Variants in KLHL14 observed in about 807,000 individuals in gnomAD.
The protein encoded by KLHL14 is kelch-like protein 14.
In KLHL14, 22 loss-of-function variants were observed where a neutral mutation model predicts 64.3. The observed-to-expected ratio is 0.34, with a 90% CI of 0.24 to 0.49. KLHL14 has a LOEUF of 0.49. Among genes scored for constraint, KLHL14 ranks in the 20% least tolerant of loss-of-function variants. The pLI, the probability that KLHL14 is intolerant of heterozygous loss-of-function variation, is 0.99. For missense variants in KLHL14, 661 were observed against 789.0 expected, an observed-to-expected ratio of 0.84 and a Z score of 1.94; for synonymous variants, 322 against 333.4, an observed-to-expected ratio of 0.97 and a Z score of 0.37.
chr18:32,701,742 G>C (rs1485777422), intron 3 of KLHL14, among the ~76,000 whole-genome samples: 2 of 152,188 alleles, frequency 1.3e-5, no homozygotes, highest in African/African-American at 4.8e-5. Context: ...CTAGATGAAA[G>C]AAGATAGCAG....
At chr18:32,762,288 G>C (rs936329328) in intron 2 of KLHL14, among the ~76,000 whole-genome samples, 2 of 151,450 alleles carry the variant, frequency 1.3e-5, no homozygotes, top group African/African-American at 4.9e-5. Context: ...TATAAGGTTG[G>C]GTATGCCATG....
intron 3 of KLHL14, among the ~76,000 whole-genome samples, chr18:32,698,111 G>T (rs1243142660): frequency 6.6e-6 from 1 of 152,078 alleles, no homozygotes; most frequent in Admixed American, 6.6e-5. Context: ...TAATTTCTTT[G>T]ACTTCTGATT....
At chr18:32,710,622 A>G (rs936805696) in intron 3 of KLHL14, among the ~76,000 whole-genome samples, 3 of 152,224 alleles carry the variant, frequency 2.0e-5, no homozygotes, top group Non-Finnish European at 4.4e-5. Flanking sequence ...ATACACATGT[A>G]AATGTAACAT....
intron 8 of KLHL14, among the ~76,000 whole-genome samples, chr18:32,675,100 A>G (rs994466847): frequency 6.6e-6 from 1 of 152,172 alleles, no homozygotes; most frequent in African/African-American, 2.4e-5. Flanking sequence ...CATACCTGTA[A>G]TCACAGAGCT....
At chr18:32,701,473 GTT>G (rs1464340040) in intron 3 of KLHL14, among the ~76,000 whole-genome samples, 1 of 152,206 alleles carries the variant, frequency 6.6e-6, no homozygotes, top group African/African-American at 2.4e-5. Context: ...AAGCCTGTGT[GTT>G]GTGAGCACCT....
intron 5 of KLHL14, among the ~76,000 whole-genome samples, chr18:32,686,308 C>T (rs927644092): frequency 3.3e-5 from 5 of 150,718 alleles, no homozygotes; most frequent in Non-Finnish European, 7.4e-5. Flanking sequence ...GCTGAAGAGG[C>T]AATAGTTTGC....
At chr18:32,690,527 G>A (rs974291363) in intron 4 of KLHL14, among the ~76,000 whole-genome samples, 2 of 152,030 alleles carry the variant, frequency 1.3e-5, no homozygotes, top group African/African-American at 2.4e-5. Flanking sequence ...TCAGGAGTTC[G>A]AGACCAGCCT....
intron 3 of KLHL14, among the ~76,000 whole-genome samples, chr18:32,734,852 A>G (rs555225945): frequency 7.4e-4 from 113 of 152,072 alleles, no homozygotes; most frequent in Non-Finnish European, 1.4e-3. Context: ...GTGTATTTCA[A>G]TTCAGGTCTA....
intron 3 of KLHL14, among the ~76,000 whole-genome samples, chr18:32,713,113 C>T: frequency 6.6e-6 from 1 of 152,178 alleles, no homozygotes; most frequent in Non-Finnish European, 1.5e-5. Context: ...GTTTATGCTG[C>T]TTTTGTGCCA....
intron 2 of KLHL14, among the ~76,000 whole-genome samples, chr18:32,754,501 G>C (rs2050271862): frequency 6.6e-6 from 1 of 152,204 alleles, no homozygotes; most frequent in African/African-American, 2.4e-5. Flanking sequence ...GAGAGAGTGA[G>C]ACATAATGGT....
At chr18:32,709,184 C>G (rs2050005721) in intron 3 of KLHL14, among the ~76,000 whole-genome samples, 1 of 152,194 alleles carries the variant, frequency 6.6e-6, no homozygotes, top group Non-Finnish European at 1.5e-5. Flanking sequence ...CACACTCTGC[C>G]TCACTTACGG....
At chr18:32,742,368 TG>T (rs1445197037) in intron 2 of KLHL14, among the ~76,000 whole-genome samples, 2 of 152,210 alleles carry the variant, frequency 1.3e-5, no homozygotes, top group East Asian at 3.8e-4. Flanking sequence ...TGAAATGCTC[TG>T]GAGTTGTACT....
chr18:32,685,770 G>A (rs536941651), intron 5 of KLHL14, among the ~76,000 whole-genome samples: 3 of 152,128 alleles, frequency 2.0e-5, no homozygotes, highest in East Asian at 3.9e-4. Context: ...AGTATATAGA[G>A]TAGAAAGTTA....
chr18:32,723,295 A>G (rs1411485514), intron 3 of KLHL14, among the ~76,000 whole-genome samples: 2 of 152,198 alleles, frequency 1.3e-5, no homozygotes, highest in Admixed American at 6.5e-5. Flanking sequence ...AGTGAATCCA[A>G]GGAAGCTGGC....
chr18:32,742,567 G>A (rs2050204433), intron 2 of KLHL14, among the ~76,000 whole-genome samples: 1 of 152,152 alleles, frequency 6.6e-6, no homozygotes, highest in Admixed American at 6.5e-5. Context: ...TAACTGGGGT[G>A]GGTTAACCAG....
At chr18:32,674,836 T>C in intron 8 of KLHL14, 39 bp from the exon 9 acceptor site, 3 of 769,860 alleles carry the variant, frequency 3.9e-6, no homozygotes, top group Non-Finnish European at 7.3e-6. Flanking sequence ...AGAAGGAAGC[T>C]AGAGAAGTGC....
At chr18:32,715,772 C>G (rs1292660280) in intron 3 of KLHL14, among the ~76,000 whole-genome samples, 2 of 152,144 alleles carry the variant, frequency 1.3e-5, no homozygotes, top group Non-Finnish European at 2.9e-5. Flanking sequence ...AATTATAGCT[C>G]CTCACCTCAA....
At chr18:32,717,803 CAT>C (rs1210323004) in intron 3 of KLHL14, among the ~76,000 whole-genome samples, 1 of 152,238 alleles carries the variant, frequency 6.6e-6, no homozygotes, top group African/African-American at 2.4e-5. Context: ...GAACACCTAT[CAT>C]GTGCCAGGCA....
intron 3 of KLHL14, among the ~76,000 whole-genome samples, chr18:32,731,523 T>C (rs1018940028): frequency 6.6e-6 from 1 of 152,120 alleles, no homozygotes; most frequent in African/African-American, 2.4e-5. Flanking sequence ...GCAGAAAAGA[T>C]AGCTATTGGG....
Sources: allele counts gnomAD v4.1 joint callset (sites outside exome capture counted in the v4.1 genomes callset), GRCh38; gene constraint gnomAD v4.1.1; transcripts MANE v1.5; gene names NCBI Gene and HGNC (gene_info 2026-07-23, HGNC 2026-07-21).